Variants in ENDOU observed in about 807,000 individuals in gnomAD.
ENDOU encodes the protein endonuclease, poly(U) specific, also known as uridylate-specific endoribonuclease.
In ENDOU, 49 loss-of-function variants were observed where a neutral mutation model predicts 54.2. The observed-to-expected ratio is 0.90, with a 90% CI of 0.72 to 1.15. The LOEUF (loss-of-function observed/expected upper bound fraction) is 1.15. ENDOU is among the 50% of genes most tolerant of loss of function. ENDOU has a pLI of 0.00. For synonymous variants in ENDOU, 172 were observed against 190.5 expected (o/e 0.90, Z 0.80); for missense variants, 458 against 511.4 (o/e 0.90, Z 1.01).
chr12:47,711,895 C>G lies in ENDOU; in HGVS notation c.973-120G>C. 15 of 1,106,014 alleles carry G rather than the reference C, an allele frequency of 1.4e-5. No individual in the cohort carries two copies. The South Asian group carries it at 2.2e-4, about 16-fold the overall frequency. The allele number at this position is 1,106,014 out of a possible 1,614,324, so 68.5% of individuals were successfully genotyped here. A position where few individuals can be genotyped will look rare whatever the true frequency, so the allele number is the denominator to read the frequency against. ...GGGTCCATTAGGGGCCTGTGTGAAC[C>G]TTCCAGGGAGACTGGATTCTTTAAA... is the stretch of plus-strand genomic sequence containing the variant. On this transcript the variant is annotated intron_variant, in intron 8 of 9. Transcript: ENST00000422538.
intron 6 of ENDOU, among the ~76,000 whole-genome samples, chr12:47,713,871 A>G (rs959928627): frequency 1.3e-5 from 2 of 152,114 alleles, no homozygotes; most frequent in Non-Finnish European, 2.9e-5. Context: ...TGTAGAGGGA[A>G]CTGCAAGAGC....
At chr12:47,721,306 A>G (rs532657673) in intron 1 of ENDOU, among the ~76,000 whole-genome samples, 99 of 151,950 alleles carry the variant, frequency 6.5e-4, no homozygotes, top group African/African-American at 2.3e-3. Flanking sequence ...TTTTTTTTTC[A>G]AGATAAATCT....
At chr12:47,713,445 G>A (rs963457986) in intron 6 of ENDOU, 57 bp from the exon 7 acceptor site, 28 of 1,187,736 alleles carry the variant, frequency 2.4e-5, no homozygotes, top group Middle Eastern at 1.9e-4. Flanking sequence ...TCCTGGGAGC[G>A]CTAAACAGAG....
At chr12:47,718,642 C>T (rs1291994709) in intron 2 of ENDOU, among the ~76,000 whole-genome samples, 3 of 152,162 alleles carry the variant, frequency 2.0e-5, no homozygotes, top group African/African-American at 4.8e-5. Context: ...TTCCAACTTC[C>T]CTTCTTTCTT....
chr12:47,716,147 C>T (rs1940220978), intron 6 of ENDOU, among the ~76,000 whole-genome samples, 153 bp downstream of exon 6: 1 of 152,128 alleles, frequency 6.6e-6, no homozygotes, highest in African/African-American at 2.4e-5. Context: ...TTGGCTTCCC[C>T]CTGGCCTCAT....
intron 5 of ENDOU, 23 bp downstream of exon 5, chr12:47,716,867 A>G (rs1203486951): frequency 6.2e-7 from 1 of 1,612,950 alleles, no homozygotes; most frequent in African/African-American, 1.3e-5. Context: ...TAGGGGGTAG[A>G]AAGAGGAATT....
At chr12:47,715,354 T>G (rs914390542) in intron 6 of ENDOU, among the ~76,000 whole-genome samples, 2 of 152,332 alleles carry the variant, frequency 1.3e-5, no homozygotes, top group African/African-American at 4.8e-5. Flanking sequence ...CAGCCCCAGC[T>G]CCGCTTCCAA....
chr12:47,711,012 C>G (rs1340539127), intron 9 of ENDOU, 93 bp from the exon 10 acceptor site: 9 of 740,700 alleles, frequency 1.2e-5, no homozygotes, highest in Non-Finnish European at 2.0e-5. Flanking sequence ...AGCAGAAGGG[C>G]TCCATTCTGC....
intron 7 of ENDOU, 89 bp from the exon 8 acceptor site, chr12:47,712,711 C>T: frequency 1.1e-6 from 1 of 938,718 alleles, no homozygotes; most frequent in Non-Finnish European, 1.7e-6. Context: ...CAAGGCTTCC[C>T]CCTTCTCCAG....
rs1468500006 is a variant in ENDOU, at chr12:47,717,924, C to G, written c.244+205G>C. On this transcript the variant is annotated intron_variant, in intron 3 of 9. Coordinates refer to ENST00000422538, the MANE Select transcript of ENDOU (RefSeq NM_001172439.2). ...CTTCCCTCTCCAGGCCTCAGGCTCT[C>G]TTTCCTAGCTACCCTCCTCCCATGG... 4.9e-6 allele frequency: 3 copies of G among 617,276 alleles called. No homozygotes were observed. The East Asian group carries it at 8.4e-5, about 17-fold the overall frequency. The allele number at this position is 617,276 out of a possible 1,614,324, so 38.2% of individuals were successfully genotyped here.
At chr12:47,713,149 G>A in intron 7 of ENDOU, 126 bp downstream of exon 7, 1 of 687,536 alleles carries the variant, frequency 1.5e-6, no homozygotes, top group South Asian at 1.7e-5. Flanking sequence ...AGGGGAGAGT[G>A]CGTGGGTCCC....
intron 2 of ENDOU, chr12:47,720,060 A>G (rs1565736168): frequency 6.6e-6 from 1 of 152,316 alleles, no homozygotes; most frequent in African/African-American, 2.4e-5. Context: ...TTCAGTGACC[A>G]TGTTTTCAAA....
intron 7 of ENDOU, 67 bp from the exon 8 acceptor site, chr12:47,712,689 T>C: frequency 8.4e-7 from 1 of 1,196,390 alleles, no homozygotes; most frequent in Non-Finnish European, 1.2e-6. Context: ...ATCCCCTTTC[T>C]CCACCCCATG....
At chr12:47,720,348 T>G in intron 2 of ENDOU, 1 of 163,560 alleles carries the variant, frequency 6.1e-6, no homozygotes. Flanking sequence ...CACCATGCAG[T>G]CTTCCTGGCA....
intron 2 of ENDOU, chr12:47,719,735 C>G (rs1940371711): frequency 6.6e-6 from 1 of 152,170 alleles, no homozygotes; most frequent in Non-Finnish European, 1.5e-5. Context: ...TTACAAATTA[C>G]CCAGTCTCGG....
chr12:47,712,537 G>T lies in ENDOU; in HGVS notation c.951C>A (p.Tyr317Ter). 1.2e-6 allele frequency: 2 copies of T among 1,613,582 alleles called. No homozygotes were observed. The highest frequency in any genetic ancestry group is 2.2e-5 in the South Asian group (2 of 91,066). The change falls in exon 8 of 10, where the codon TAC becomes TAA. Residue 317 changes from tyrosine to a stop codon, truncating the protein, a stop_gained. Transcript: ENST00000422538. LOFTEE classifies it high-confidence loss of function. ...TCACAGGCCCATCGTAGATGTGACT[G>T]TAATAGTCAACCAGACCCTCCTTCT... ...LEEKEGLVDY[Y>*]SHIYDGPWDS... is the part of the protein sequence containing the mutation.
intron 1 of ENDOU, among the ~76,000 whole-genome samples, chr12:47,721,687 C>T (rs995161495): frequency 3.3e-5 from 5 of 152,238 alleles, no homozygotes; most frequent in African/African-American, 1.2e-4. Context: ...TCCCCCACTG[C>T]AGCCAAATGG....
chr12:47,718,103 GC>G (rs34848999), intron 3 of ENDOU, 25 bp downstream of exon 3: 4 of 1,549,486 alleles, frequency 2.6e-6, no homozygotes, highest in Admixed American at 1.9e-5. Context: ...TATCTTGAGG[GC>G]CCCCCTTTGG....
chr12:47,722,406 G>T (rs1315322831), intron 1 of ENDOU, among the ~76,000 whole-genome samples: 3 of 152,164 alleles, frequency 2.0e-5, no homozygotes, highest in Admixed American at 2.0e-4. Context: ...TCTGTGCGTT[G>T]GTTTTCGTAT....
Sources: gnomAD v4.1 joint callset for allele counts (sites outside exome capture counted in the v4.1 genomes callset) on GRCh38, gnomAD v4.1.1 for gene constraint, MANE v1.5 for transcripts, NCBI Gene and HGNC (gene_info 2026-07-23, HGNC 2026-07-21) for gene names.